The following DOP1A variants were observed in gnomAD, a reference collection of about 807,000 sequenced individuals.
The protein encoded by DOP1A is protein DOP1A.
In DOP1A, 90 loss-of-function variants were observed where a neutral mutation model predicts 267.6. The ratio of observed to expected loss-of-function variants is 0.34; its 90% confidence interval spans 0.28 to 0.40. DOP1A has a LOEUF of 0.40. DOP1A is among the 10% of genes least tolerant of loss of function. The pLI, the probability that DOP1A is intolerant of heterozygous loss-of-function variation, is 1.00. For missense variants in DOP1A, 2,437 were observed against 2,900.4 expected (o/e 0.84, Z 3.67); for synonymous variants, 932 against 999.1 (o/e 0.93, Z 1.27).
chr6:83,085,311 T>C (rs137987217), intron 1 of DOP1A, among the ~76,000 whole-genome samples: 253 of 152,300 alleles, frequency 1.7e-3, no homozygotes, highest in African/African-American at 5.8e-3. Context: ...GATAAGGCTA[T>C]TGACTTCATA....
chr6:83,123,322 A>G (rs1776642107), intron 12 of DOP1A, among the ~76,000 whole-genome samples: 1 of 152,040 alleles, frequency 6.6e-6, no homozygotes, highest in African/African-American at 2.4e-5. Flanking sequence ...AAGGATTTCC[A>G]CTTTGATTAA....
intron 7 of DOP1A, among the ~76,000 whole-genome samples, chr6:83,113,780 A>G (rs545949424): frequency 6.6e-6 from 1 of 152,334 alleles, no homozygotes; most frequent in South Asian, 2.1e-4. Context: ...TTTAACATGC[A>G]TGCCAGACCC....
At chr6:83,085,992 GA>G (rs1248539676) in intron 1 of DOP1A, among the ~76,000 whole-genome samples, 2 of 152,070 alleles carry the variant, frequency 1.3e-5, no homozygotes, top group Non-Finnish European at 2.9e-5. Context: ...TAACTGGTTA[GA>G]ATAATAGAAG....
chr6:83,170,325 A>T (rs1365852759), downstream of DOP1A: 2 of 1,614,054 alleles, frequency 1.2e-6, no homozygotes, highest in Non-Finnish European at 1.7e-6. Context: ...GCTTCTGCAT[A>T]TACTCGGACG....
chr6:83,100,859 G>C lies in DOP1A; in HGVS notation c.293G>C (p.Arg98Pro). Residue 98 changes from arginine to proline, a missense_variant, in exon 4 of 39, where the codon CGA becomes CCA. Transcript: ENST00000349129. ...ATCTTCAAAATAATTGGACCTAAGC[G>C]ACTTGCCAAAGATCTTTTTTTATAT... is the stretch of plus-strand genomic sequence containing the variant. Reference protein sequence around the residue: ...EIIFKIIGPKRLAKDLFLYSS... With the variant: ...EIIFKIIGPKPLAKDLFLYSS... 1 of 1,553,282 alleles carries C rather than the reference G, an allele frequency of 6.4e-7. No homozygotes were observed.
chr6:83,124,865 A>G (rs1376651318), intron 13 of DOP1A, 46 bp downstream of exon 13: 1 of 1,447,430 alleles, frequency 6.9e-7, no homozygotes. Flanking sequence ...CGAATAACGT[A>G]GTTCAAATAT....
intron 7 of DOP1A, among the ~76,000 whole-genome samples, chr6:83,118,075 T>A (rs1236047690): frequency 6.6e-6 from 1 of 152,188 alleles, no homozygotes; most frequent in Non-Finnish European, 1.5e-5. Flanking sequence ...AGCCAAAACC[T>A]CAAGAACCTG....
At chr6:83,164,710 C>CA (rs773904572) in intron 38 of DOP1A, 111 of 1,590,922 alleles carry the variant, frequency 7.0e-5, no homozygotes, top group Non-Finnish European at 9.0e-5. Context: ...TGGAGATGGC[C>CA]AAGCATCAGG....
In DOP1A at chr6:83,121,918, T is replaced by C. The variant is rs368886722; in HGVS notation, c.1100-12T>C. On this transcript the variant is annotated splice_polypyrimidine_tract_variant and intron_variant, in intron 10 of 38. Coordinates refer to ENST00000349129, the MANE Select transcript of DOP1A (RefSeq NM_015018.4). ...GATTAATTACTGTCTTTAATTTGAATATTAATTTTAGGACCTGTAATTCTA... is the reference window on the plus strand; with the variant it reads ...GATTAATTACTGTCTTTAATTTGAACATTAATTTTAGGACCTGTAATTCTA... 175 of 1,590,102 alleles carry C rather than the reference T, an allele frequency of 1.1e-4. 1 individual carries two copies. Among genetic ancestry groups the C allele is most frequent in the Non-Finnish European group, 1.5e-4 (170 of 1,167,008 alleles).
In DOP1A at chr6:83,138,429, T is replaced by G; in HGVS notation, c.4387T>G (p.Tyr1463Asp). 6.2e-7 allele frequency: 1 copy of G among 1,612,062 alleles called. No individual in the cohort carries two copies. Among genetic ancestry groups the G allele is most frequent in the Non-Finnish European group, 8.5e-7 (1 of 1,179,872 alleles). Residue 1463 changes from tyrosine to aspartate, a missense_variant, in exon 21 of 39, where the codon TAC (tyrosine) becomes GAC (aspartate). Coordinates refer to ENST00000349129, the MANE Select transcript of DOP1A (RefSeq NM_015018.4). ...IEILISLCLY[Y>D]MRSHYPTHVK... Reference sequence around the variant, plus strand: ...AATTCTTATTTCTCTCTGCTTATATTACATGCGTAGCCATTACCCAACTCA... The same window carrying G: ...AATTCTTATTTCTCTCTGCTTATATGACATGCGTAGCCATTACCCAACTCA...
intron 1 of DOP1A, among the ~76,000 whole-genome samples, chr6:83,094,418 C>T (rs940888643): frequency 1.1e-4 from 16 of 152,154 alleles, no homozygotes; most frequent in African/African-American, 3.1e-4. Context: ...CTACACCATA[C>T]GTAGGAGTGG....
intron 1 of DOP1A, among the ~76,000 whole-genome samples, chr6:83,078,946 A>G (rs1388198523): frequency 6.6e-6 from 1 of 152,172 alleles, no homozygotes; most frequent in Non-Finnish European, 1.5e-5. Context: ...TTAACCTTAA[A>G]ACATGAGAGG....
At chr6:83,093,795 G>A (rs10223719) in intron 1 of DOP1A, among the ~76,000 whole-genome samples, 119,753 of 152,092 alleles carry the variant, frequency 0.79, 47,244 homozygotes, top group South Asian at 0.84. Context: ...AATCCCAGCT[G>A]CTCGGGAGGC....
chr6:83,117,958 T>C (rs73483046), intron 7 of DOP1A, among the ~76,000 whole-genome samples: 2,606 of 152,268 alleles, frequency 0.017, 92 homozygotes, highest in African/African-American at 0.059. Context: ...TCTAATTCTA[T>C]CAAGAAGCAT....
rs1215151913 is a variant in DOP1A, at chr6:83,149,352, C to G, written c.5837+489C>G. Among the ~76,000 whole-genome samples the G allele has an allele frequency of 2.6e-5, 4 of 152,194 alleles. No individual in the cohort carries two copies. The East Asian group carries it at 5.8e-4, about 22-fold the overall frequency. On this transcript the variant is annotated intron_variant, in intron 27 of 38. Transcript: ENST00000349129. ...AGTACTGGGATGTCATAGTCAGTCT[C>G]TCTTTCTTGCTTGCCATTATTCTTG... is the stretch of plus-strand genomic sequence containing the variant.
At position 83,120,665 on chromosome 6, in the gene DOP1A, T is replaced by C. The variant is rs1175716346; in HGVS notation, c.991-18T>C. On this transcript the variant is annotated intron_variant, in intron 9 of 38. Coordinates refer to ENST00000349129, the MANE Select transcript of DOP1A (RefSeq NM_015018.4). ...AATATGTTTACTTAAATGACCAGTGTACTTTCCTTTTTTAAAGGCAATGGT... is the reference window on the plus strand; with the variant it reads ...AATATGTTTACTTAAATGACCAGTGCACTTTCCTTTTTTAAAGGCAATGGT... The C allele has an allele frequency of 6.5e-7, 1 of 1,550,356 alleles. No individual in the cohort carries two copies. The highest frequency in any genetic ancestry group is 8.8e-7 in the Non-Finnish European group (1 of 1,132,614).
intron 3 of DOP1A, among the ~76,000 whole-genome samples, chr6:83,099,735 C>T (rs951350380): frequency 6.6e-6 from 1 of 150,808 alleles, no homozygotes; most frequent in African/African-American, 2.4e-5. Context: ...TATATATACA[C>T]ACGTATACAT....
intron 36 of DOP1A, 84 bp downstream of exon 36, chr6:83,158,706 T>C (rs1342082226): frequency 1.7e-5 from 16 of 936,946 alleles, no homozygotes; most frequent in East Asian, 2.7e-5. Context: ...TAGGAGAATA[T>C]AGTCTTTTTC....
intron 15 of DOP1A, among the ~76,000 whole-genome samples, chr6:83,127,843 A>T (rs1431487436): frequency 1.3e-5 from 2 of 152,188 alleles, no homozygotes; most frequent in Non-Finnish European, 2.9e-5. Context: ...ACCGTTATGT[A>T]ATCCTCATAG....
Sources: gnomAD v4.1 joint callset for allele counts (sites outside exome capture counted in the v4.1 genomes callset) on GRCh38, gnomAD v4.1.1 for gene constraint, MANE v1.5 for transcripts, NCBI Gene and HGNC (gene_info 2026-07-23, HGNC 2026-07-21) for gene names.